Variants in FAM13A observed in about 807,000 individuals in gnomAD.
The protein encoded by FAM13A is family with sequence similarity 13 member A.
A neutral mutation model predicts 129.6 loss-of-function variants in FAM13A; 76 were observed. The ratio of observed to expected loss-of-function variants is 0.59; its 90% CI spans 0.49 to 0.71. The LOEUF is 0.71. FAM13A is among the 30% of genes least tolerant of loss of function. The pLI, the probability that FAM13A is intolerant of heterozygous loss-of-function variation, is 0.00. For synonymous variants in FAM13A, 443 were observed against 449.9 expected (o/e 0.98, Z 0.20); for missense variants, 1,108 against 1,249.3 (o/e 0.89, Z 1.70).
chr4:89,041,069 C>T (rs1770048605), intron 1 of FAM13A, among the ~76,000 whole-genome samples: 1 of 152,132 alleles, frequency 6.6e-6, no homozygotes, highest in Non-Finnish European at 1.5e-5. Flanking sequence ...CCTTCAGCCA[C>T]CTACTTAAAA....
intron 6 of FAM13A, among the ~76,000 whole-genome samples, chr4:88,865,520 G>A (rs1740232147): frequency 6.6e-6 from 1 of 152,184 alleles, no homozygotes; most frequent in South Asian, 2.1e-4. Flanking sequence ...GAGTTTTAGT[G>A]CCTAGTAACG....
At chr4:88,919,114 C>T (rs987715731) in intron 5 of FAM13A, among the ~76,000 whole-genome samples, 2 of 152,184 alleles carry the variant, frequency 1.3e-5, no homozygotes, top group Admixed American at 6.5e-5. Flanking sequence ...ATTCACACTA[C>T]ATTTGTTTAA....
intron 21 of FAM13A, among the ~76,000 whole-genome samples, chr4:88,733,508 T>C (rs955081395): frequency 6.6e-6 from 1 of 152,212 alleles, no homozygotes; most frequent in African/African-American, 2.4e-5. Flanking sequence ...CCCATCGACG[T>C]AGTTTTGATA....
intron 5 of FAM13A, among the ~76,000 whole-genome samples, chr4:88,935,277 G>A (rs1348786973): frequency 6.6e-6 from 1 of 152,002 alleles, no homozygotes; most frequent in Non-Finnish European, 1.5e-5. Flanking sequence ...TATTTCTCTG[G>A]GCCCAAATCT....
intron 16 of FAM13A, 143 bp downstream of exon 16, chr4:88,749,628 G>A (rs1314576701): frequency 2.9e-6 from 2 of 693,418 alleles, no homozygotes; most frequent in African/African-American, 3.6e-5. Context: ...TTATCAGGGT[G>A]TACTATCCAG....
intron 1 of FAM13A, among the ~76,000 whole-genome samples, chr4:89,037,063 G>A (rs1253502483): frequency 1.3e-5 from 2 of 152,204 alleles, no homozygotes; most frequent in Non-Finnish European, 2.9e-5. Flanking sequence ...CCCCATACAA[G>A]AGTCCCCACT....
chr4:88,770,487 G>A (rs754863042), intron 11 of FAM13A, among the ~76,000 whole-genome samples: 24 of 152,166 alleles, frequency 1.6e-4, no homozygotes, highest in Non-Finnish European at 2.9e-4. Flanking sequence ...TGTAAATGAC[G>A]ATTTCCAAAG....
rs771602580 is a variant in FAM13A at position 88,732,003 on chromosome 4, T to C, written c.2842A>G (p.Ile948Val). The part of the protein sequence containing the change: ...TGLSNLHAAS[I>V]PELLEHLQEM... ...ACCACCACCACCAAAATGACATACA[T>C]TGAGGCAGCATGGAGATTTGAAAGC... Residue 948 changes from isoleucine (I) to valine (V), a missense_variant and splice_region_variant, in exon 22 of 24, where the codon ATA becomes GTA. Ile to Val is a conservative substitution (Grantham distance 29, BLOSUM62 3). Coordinates refer to ENST00000264344, the MANE Select transcript of FAM13A (RefSeq NM_014883.4). The C allele has an allele frequency of 1.5e-5, 24 of 1,607,728 alleles. No homozygotes were observed. Among genetic ancestry groups the C allele is most frequent in the African/African-American group, 6.7e-5 (5 of 74,740 alleles).
chr4:88,945,515 T>C (rs1156571428), intron 4 of FAM13A, among the ~76,000 whole-genome samples: 1 of 152,070 alleles, frequency 6.6e-6, no homozygotes, highest in Non-Finnish European at 1.5e-5. Flanking sequence ...GGTAAGGCTG[T>C]AGTTAGAATT....
intron 19 of FAM13A, among the ~76,000 whole-genome samples, chr4:88,739,763 G>T (rs1336594997): frequency 7.1e-6 from 1 of 140,458 alleles, no homozygotes; most frequent in Non-Finnish European, 1.5e-5. Context: ...CTCCAGCCTG[G>T]GTGACAGAGA....
At chr4:88,900,700 A>G (rs781201401) in intron 6 of FAM13A, among the ~76,000 whole-genome samples, 1 of 152,152 alleles carries the variant, frequency 6.6e-6, no homozygotes, top group Non-Finnish European at 1.5e-5. Context: ...ACCACACTGA[A>G]GTACACAGGT....
chr4:88,870,267 C>T (rs1178984390), intron 6 of FAM13A, among the ~76,000 whole-genome samples: 1 of 152,174 alleles, frequency 6.6e-6, no homozygotes, highest in African/African-American at 2.4e-5. Context: ...CCTGGTTCAT[C>T]TCACTGGGAC....
intron 8 of FAM13A, among the ~76,000 whole-genome samples, chr4:88,802,086 T>C (rs891136368): frequency 1.3e-5 from 2 of 152,026 alleles, no homozygotes; most frequent in African/African-American, 2.4e-5. Context: ...GCAACTGAGG[T>C]AGGGGCCCTG....
intron 1 of FAM13A, among the ~76,000 whole-genome samples, chr4:89,044,047 A>G (rs1309041964): frequency 6.8e-6 from 1 of 147,180 alleles, no homozygotes; most frequent in Non-Finnish European, 1.5e-5. Flanking sequence ...ACAGTGAGCC[A>G]TGATCTCACC....
chr4:88,973,062 T>C (rs1579569787), intron 4 of FAM13A, among the ~76,000 whole-genome samples: 1 of 152,146 alleles, frequency 6.6e-6, no homozygotes, highest in East Asian at 1.9e-4. Flanking sequence ...ATAGGTAAAG[T>C]GTTTTATTCT....
rs57096466 is a variant in FAM13A, at chr4:88,901,879, A to G, written c.843+4500T>C. ...CTAATAAAGAATAAAAGAAAGAAGAATCAAATAATCAGAAATAATAAGGGG... is the reference window on the plus strand; with the variant it reads ...CTAATAAAGAATAAAAGAAAGAAGAGTCAAATAATCAGAAATAATAAGGGG... On this transcript the variant is annotated intron_variant, in intron 6 of 23. Coordinates refer to ENST00000264344, the MANE Select transcript of FAM13A (RefSeq NM_014883.4). Among the ~76,000 whole-genome samples the G allele has an allele frequency of 3.6e-3, 552 of 152,218 alleles. 3 individuals carry two copies. Among genetic ancestry groups the G allele is most frequent in the African/African-American group, 0.012 (512 of 41,554 alleles).
intron 7 of FAM13A, among the ~76,000 whole-genome samples, chr4:88,826,314 A>G (rs1732977828): frequency 7.6e-5 from 1 of 13,152 alleles, no homozygotes; most frequent in Admixed American, 8.6e-4. Flanking sequence ...CGTAGGATTA[A>G]AAAAAAAAAA....
At chr4:88,865,594 G>C (rs1457779540) in intron 6 of FAM13A, among the ~76,000 whole-genome samples, 1 of 152,162 alleles carries the variant, frequency 6.6e-6, no homozygotes, top group Non-Finnish European at 1.5e-5. Flanking sequence ...TCAATCTACA[G>C]CAATTATGCT....
chr4:89,006,438 C>A (rs943832348), intron 3 of FAM13A, among the ~76,000 whole-genome samples: 1 of 152,172 alleles, frequency 6.6e-6, no homozygotes, highest in Non-Finnish European at 1.5e-5. Flanking sequence ...GAATTCCCTG[C>A]GCCCCACTGT....
Sources: allele counts gnomAD v4.1 joint callset (sites outside exome capture counted in the v4.1 genomes callset), GRCh38; gene constraint gnomAD v4.1.1; transcripts MANE v1.5; gene names NCBI Gene and HGNC (gene_info 2026-07-23, HGNC 2026-07-21).